Variants in ITGA11 observed in about 807,000 individuals in gnomAD.
ITGA11 encodes integrin subunit alpha 11.
ITGA11 carries 97 observed loss-of-function variants against 141.9 expected under a neutral mutation model. The ratio of observed to expected loss-of-function variants is 0.68; its 90% CI spans 0.58 to 0.81. The LOEUF is 0.81. Among genes scored for constraint, ITGA11 ranks in the 30% least tolerant of loss-of-function variants. The pLI, the probability that ITGA11 is intolerant of heterozygous loss-of-function variation, is 0.00. For missense variants in ITGA11, 1,387 were observed against 1,559.2 expected (o/e 0.89, Z 1.86); for synonymous variants, 658 against 624.6 (o/e 1.05, Z -0.80).
intron 1 of ITGA11, among the ~76,000 whole-genome samples, chr15:68,423,803 CCTT>C (rs1827621411): frequency 6.6e-6 from 1 of 152,130 alleles, no homozygotes. Flanking sequence ...CCGGCCTCCT[CCTT>C]CTTGTTGATG....
intron 10 of ITGA11, among the ~76,000 whole-genome samples, chr15:68,345,793 A>G (rs1304248541): frequency 6.6e-6 from 1 of 152,150 alleles, no homozygotes; most frequent in Non-Finnish European, 1.5e-5. Context: ...GAGAGGCCTA[A>G]CTGACCCTGA....
chr15:68,432,121 C>T lies in ITGA11; in HGVS notation c.-55G>A. ...TGCAGCGGCGGCGGGGGGCGGCAAG[C>T]CAGAGCGGCAGCCTCCTCGGCGCGG... On this transcript the variant is annotated 5_prime_UTR_variant, in exon 1 of 30. Coordinates refer to ENST00000315757, the MANE Select transcript of ITGA11 (RefSeq NM_001004439.2). 2 of 1,300,448 alleles carry T rather than the reference C, an allele frequency of 1.5e-6. No individual in the cohort carries two copies. The highest frequency in any genetic ancestry group is 2.0e-6 in the Non-Finnish European group (2 of 1,013,902). The allele number at this position is 1,300,448 out of a possible 1,614,324, so 80.6% of individuals were successfully genotyped here. A position where few individuals can be genotyped will look rare whatever the true frequency, so the allele number is the denominator to read the frequency against.
At chr15:68,347,684 G>A (rs545105580) in intron 10 of ITGA11, among the ~76,000 whole-genome samples, 141 of 152,224 alleles carry the variant, frequency 9.3e-4, no homozygotes, top group Middle Eastern at 3.4e-3. Context: ...GAAAGAGCAC[G>A]AGACTAATAT....
At chr15:68,415,211 G>A (rs562406257) in intron 1 of ITGA11, among the ~76,000 whole-genome samples, 4 of 152,214 alleles carry the variant, frequency 2.6e-5, no homozygotes, top group East Asian at 1.9e-4. Context: ...TAATATCACC[G>A]CCAGCCACTG....
rs532664847 is a variant in ITGA11 at position 68,311,535 on chromosome 15, C to G, written c.2974-132G>C. On this transcript the variant is annotated intron_variant, in intron 24 of 29. Transcript: ENST00000315757. The stretch of plus-strand genomic sequence containing the variant: ...CTGGGAAAAAGGCCCACTCAAGACC[C>G]CTGGTGTTTTCACCATGGAAGCTCC... 6.8e-4 allele frequency: 434 copies of G among 641,934 alleles called. 1 individual carries two copies. In the African/African-American group the frequency reaches 7.1e-3, roughly 11 times the overall value. 39.8% of individuals were successfully genotyped at this position (641,934 alleles called of 1,614,324 possible).
intron 1 of ITGA11, 28 bp from the exon 2 acceptor site, chr15:68,403,057 G>A (rs775308721): frequency 6.7e-7 from 1 of 1,500,008 alleles, no homozygotes; most frequent in Non-Finnish European, 9.2e-7. Context: ...GAGAGGAGAA[G>A]CAGGGGAGTC....
At chr15:68,389,376 C>A (rs1896062570) in intron 2 of ITGA11, among the ~76,000 whole-genome samples, 1 of 152,216 alleles carries the variant, frequency 6.6e-6, no homozygotes, top group Admixed American at 6.5e-5. Context: ...CTGTGGACAC[C>A]ACAGCCTCGC....
intron 2 of ITGA11, among the ~76,000 whole-genome samples, chr15:68,383,402 G>A (rs976056883): frequency 3.9e-5 from 6 of 152,206 alleles, no homozygotes; most frequent in Non-Finnish European, 5.9e-5. Context: ...ATTAATTATA[G>A]TTAAAATTAG....
intron 2 of ITGA11, among the ~76,000 whole-genome samples, chr15:68,401,268 T>C (rs1392374008): frequency 1.3e-5 from 2 of 152,050 alleles, no homozygotes; most frequent in Non-Finnish European, 2.9e-5. Flanking sequence ...AGAGTTTAAA[T>C]TGGTAAACCA....
intron 2 of ITGA11, among the ~76,000 whole-genome samples, chr15:68,384,871 G>T (rs1320428897): frequency 6.6e-6 from 1 of 152,162 alleles, no homozygotes; most frequent in Non-Finnish European, 1.5e-5. Context: ...AACCAAGGCT[G>T]CCCCAGGCCT....
In ITGA11 at chr15:68,403,029, C is replaced by G. The variant is rs765501789; in HGVS notation, c.53G>C (p.Gly18Ala). ...GTCCATGTTGAAGGTGTCCGTGAAC[C>G]CTGAGGCAGGGGGAGAGGAGAGGAG... is the stretch of plus-strand genomic sequence containing the variant. ...VVAWALSLWP[G>A]FTDTFNMDTR... is the part of the protein sequence containing the mutation. The change falls in exon 2 of 30, where the codon GGG becomes GCG. Residue 18 changes from glycine to alanine, a missense_variant and splice_region_variant. Transcript: ENST00000315757. 1 of 1,607,774 alleles carries G rather than the reference C, an allele frequency of 6.2e-7. No individual in the cohort carries two copies. The highest frequency in any genetic ancestry group is 1.1e-5 in the South Asian group (1 of 90,542).
In ITGA11 at chr15:68,296,565, A is replaced by AT. The variant is rs1242114548; in HGVS notation, c.*6493dup. ...TTTGTATGCCTTTATTATGAGTAAC[A>AT]TTGAACACTTTCATATATTTATTGA... On this transcript the variant is annotated 3_prime_UTR_variant, in exon 30 of 30. Transcript: ENST00000315757. 1 of 152,188 alleles carries AT rather than the reference A, an allele frequency of 6.6e-6. No individual in the cohort carries two copies. Among genetic ancestry groups the AT allele is most frequent in the Non-Finnish European group, 1.5e-5 (1 of 68,032 alleles). 9.4% of individuals were successfully genotyped at this position (152,188 alleles called of 1,614,324 possible).
At chr15:68,331,151 G>T in intron 14 of ITGA11, 40 bp from the exon 15 acceptor site, 1 of 1,541,348 alleles carries the variant, frequency 6.5e-7, no homozygotes, top group Non-Finnish European at 8.8e-7. Context: ...CATGCACACT[G>T]TGAGTGTGGG....
intron 2 of ITGA11, among the ~76,000 whole-genome samples, chr15:68,375,437 G>C (rs868719253): frequency 3.9e-5 from 6 of 152,350 alleles, no homozygotes; most frequent in Middle Eastern, 3.4e-3. Context: ...TTCAAGATGG[G>C]TCTGGGGAAG....
At position 68,325,251 on chromosome 15, in the gene ITGA11, G is replaced by A; in HGVS notation, c.2212-10C>T. 1 of 1,580,312 alleles carries A rather than the reference G, an allele frequency of 6.3e-7. No individual in the cohort carries two copies. The highest frequency in any genetic ancestry group is 8.7e-7 in the Non-Finnish European group (1 of 1,149,234). On this transcript the variant is annotated splice_polypyrimidine_tract_variant and intron_variant, in intron 17 of 29. Coordinates refer to ENST00000315757, the MANE Select transcript of ITGA11 (RefSeq NM_001004439.2). The surrounding 1 kb of genome is among the most constrained non-coding windows in gnomAD (Gnocchi z 5.5). Reference sequence around the variant, plus strand: ...CGTAGTCAGCAGTGTCCTGGGGGGTGGAGATGAGGGCAGCGGTGAGGGAGG... The same window carrying A: ...CGTAGTCAGCAGTGTCCTGGGGGGTAGAGATGAGGGCAGCGGTGAGGGAGG...
chr15:68,342,216 CA>C (rs1406834402), intron 10 of ITGA11, among the ~76,000 whole-genome samples: 3 of 152,224 alleles, frequency 2.0e-5, no homozygotes, highest in Non-Finnish European at 4.4e-5. Context: ...GCCCAGCTGG[CA>C]AACAAACAGT....
At chr15:68,366,947 C>T (rs113690455) in intron 3 of ITGA11, among the ~76,000 whole-genome samples, 49 of 152,300 alleles carry the variant, frequency 3.2e-4, no homozygotes, top group African/African-American at 1.1e-3. Flanking sequence ...TTCCTGGCAT[C>T]GTGCTGCCCA....
chr15:68,331,839 CT>C lies in ITGA11; in HGVS notation c.1770+19del. ...CCTGCAGCCCCATTTGCTCCATCCG[CT>C]TCCCCAGGGAAGCCTGACCTGCTTA... On this transcript the variant is annotated intron_variant, in intron 14 of 29. Transcript: ENST00000315757. 1 of 1,600,718 alleles carries C rather than the reference CT, an allele frequency of 6.2e-7. No homozygotes were observed. Among genetic ancestry groups the C allele is most frequent in the South Asian group, 1.1e-5 (1 of 88,696 alleles).
Position 68,303,964 on chromosome 15 carries a change from G to A in ITGA11, c.3382-79C>T. 4.7e-6 allele frequency: 4 copies of A among 850,642 alleles called. No homozygotes were observed. In the Admixed American group the frequency reaches 7.8e-5, roughly 17 times the overall value. 52.7% of individuals were successfully genotyped at this position (850,642 alleles called of 1,614,324 possible). The stretch of plus-strand genomic sequence containing the variant: ...GCAGTCTGGGAGGGGCAGGAGGGTG[G>A]AGACAGCTGGCACCTGGTGGGGGAG... On this transcript the variant is annotated intron_variant, in intron 28 of 29. Coordinates refer to ENST00000315757, the MANE Select transcript of ITGA11 (RefSeq NM_001004439.2). This position sits in a 1 kb window ranked among gnomAD's most constrained non-coding sequence, Gnocchi z 5.3.
Sources: gnomAD v4.1 joint callset for allele counts (sites outside exome capture counted in the v4.1 genomes callset) on GRCh38, gnomAD v4.1.1 for gene constraint, Gnocchi (gnomAD v3.1) non-coding constraint, MANE v1.5 for transcripts, NCBI Gene and HGNC (gene_info 2026-07-23, HGNC 2026-07-21) for gene names.